CCDC73: variants seen among roughly 807,000 people sequenced by gnomAD.
CCDC73 encodes coiled-coil domain-containing protein 73.
Under a neutral mutation model 116.5 loss-of-function variants are expected in CCDC73, and 95 were observed. The observed-to-expected ratio is 0.82, with a 90% CI of 0.69 to 0.97. CCDC73 has a LOEUF of 0.97. Ranked by LOEUF, CCDC73 falls within the 50% of genes least tolerant of loss-of-function variation. CCDC73 has a pLI of 0.00. For missense variants in CCDC73, 1,066 were observed against 1,206.8 expected, an observed-to-expected ratio of 0.88 and a Z score of 1.73; for synonymous variants, 398 against 401.3, an observed-to-expected ratio of 0.99 and a Z score of 0.10.
chr11:32,713,393 T>A (rs751487286), intron 3 of CCDC73, among the ~76,000 whole-genome samples: 1 of 152,194 alleles, frequency 6.6e-6, no homozygotes, highest in South Asian at 2.1e-4. Context: ...TGGTTTCCGA[T>A]CTCAGTAGGA....
At chr11:32,698,010 A>ATT (rs1849771437) in intron 6 of CCDC73, among the ~76,000 whole-genome samples, 25 of 117,742 alleles carry the variant, frequency 2.1e-4, no homozygotes, top group African/African-American at 6.7e-4. Context: ...TCTAACACTG[A>ATT]ATTTTTTTTT....
intron 2 of CCDC73, among the ~76,000 whole-genome samples, chr11:32,740,109 G>A (rs1208380779): frequency 6.6e-6 from 1 of 151,732 alleles, no homozygotes; most frequent in African/African-American, 2.4e-5. Flanking sequence ...TTGTATCAAT[G>A]TTCATCAGAG....
intron 9 of CCDC73, among the ~76,000 whole-genome samples, chr11:32,668,316 G>T (rs1174822960): frequency 4.6e-5 from 7 of 152,036 alleles, no homozygotes. Flanking sequence ...TAACAATAAA[G>T]GCTTTCCTAT....
intron 3 of CCDC73, among the ~76,000 whole-genome samples, chr11:32,703,329 C>G (rs1849829120): frequency 6.6e-6 from 1 of 152,050 alleles, no homozygotes; most frequent in African/African-American, 2.4e-5. Flanking sequence ...CTCAAGCGAC[C>G]CACCACTTCG....
chr11:32,757,658 T>C (rs1226558957), intron 2 of CCDC73, among the ~76,000 whole-genome samples: 3 of 152,172 alleles, frequency 2.0e-5, no homozygotes, highest in African/African-American at 7.2e-5. Context: ...TCCACTTACA[T>C]ATGCTCCTTT....
chr11:32,628,474 AG>A, intron 14 of CCDC73, among the ~76,000 whole-genome samples: 1 of 152,320 alleles, frequency 6.6e-6, no homozygotes, highest in Middle Eastern at 3.4e-3. Flanking sequence ...GAAGACTTGC[AG>A]GGGCGCCACA....
At chr11:32,608,070 C>T (rs554386789) in intron 17 of CCDC73, among the ~76,000 whole-genome samples, 251 of 152,270 alleles carry the variant, frequency 1.6e-3, no homozygotes, top group African/African-American at 5.7e-3. Flanking sequence ...TCCCACAACA[C>T]GTGGGAATTG....
rs115499582 is a variant in CCDC73 at position 32,677,280 on chromosome 11, A to G, written c.430-1259T>C. 7.1e-3 allele frequency among the ~76,000 whole-genome samples: 1,088 copies of G among 152,324 alleles called. 16 individuals carry two copies. The highest frequency in any genetic ancestry group is 0.025 in the African/African-American group (1,049 of 41,562). Reference sequence around the variant, plus strand: ...GCACCACTATTTACTTTATTGAAATACTTTTTCTTCATTACAACATGGACT... The same window carrying G: ...GCACCACTATTTACTTTATTGAAATGCTTTTTCTTCATTACAACATGGACT... On this transcript the variant is annotated intron_variant, in intron 7 of 17. Coordinates refer to ENST00000335185, the MANE Select transcript of CCDC73 (RefSeq NM_001008391.4).
intron 14 of CCDC73, among the ~76,000 whole-genome samples, chr11:32,622,168 C>T (rs1235624782): frequency 2.0e-5 from 3 of 152,120 alleles, no homozygotes; most frequent in Admixed American, 6.5e-5. Context: ...TGGGTATATA[C>T]ACAAAGGAAT....
chr11:32,818,213 T>A, the CCDC73 span, among the ~76,000 whole-genome samples: 4 of 152,262 alleles, frequency 2.6e-5, no homozygotes, highest in Admixed American at 6.5e-5. Flanking sequence ...TGGTTACTTG[T>A]GTGCTGTCCT....
rs1168801610 is a variant in CCDC73, at chr11:32,613,579, T to C, written c.2739A>G (p.Val913=). The C allele has an allele frequency of 6.2e-7, 1 of 1,614,160 alleles. No individual in the cohort carries two copies. Among genetic ancestry groups the C allele is most frequent in the Admixed American group, 1.7e-5 (1 of 60,014 alleles). The change falls in exon 16 of 18, where the codon GTA becomes GTG. Residue 913 remains valine (V), a synonymous_variant. Coordinates refer to ENST00000335185, the MANE Select transcript of CCDC73 (RefSeq NM_001008391.4). The stretch of plus-strand genomic sequence containing the variant: ...TCGCTGTTTGACTTTCAATGTGATT[T>C]ACTTTTGACCAAGGACCGGGGTCTG... ...NFSDPGPWSK[V]NHIESQTASS...
chr11:32,789,876 C>A (rs924491399), intron 1 of CCDC73, among the ~76,000 whole-genome samples: 5 of 152,126 alleles, frequency 3.3e-5, no homozygotes, highest in Non-Finnish European at 7.4e-5. Flanking sequence ...AAGATGGACA[C>A]CCAGCATGAG....
At chr11:32,701,386 A>G (rs1849809141) in intron 4 of CCDC73, among the ~76,000 whole-genome samples, 1 of 152,146 alleles carries the variant, frequency 6.6e-6, no homozygotes, top group Non-Finnish European at 1.5e-5. Flanking sequence ...CTAACAAATT[A>G]TGACCTGTTT....
chr11:32,813,827 G>C, the CCDC73 span, among the ~76,000 whole-genome samples: 22 of 152,292 alleles, frequency 1.4e-4, no homozygotes, highest in African/African-American at 5.3e-4. Flanking sequence ...TTATCTGGTA[G>C]AGCAACTCTC....
chr11:32,726,394 T>C (rs1366106538), intron 2 of CCDC73, among the ~76,000 whole-genome samples: 1 of 151,766 alleles, frequency 6.6e-6, no homozygotes, highest in Non-Finnish European at 1.5e-5. Flanking sequence ...AACTGAAAAA[T>C]ATAATAAATC....
At chr11:32,664,809 C>T (rs1855964957) in intron 9 of CCDC73, among the ~76,000 whole-genome samples, 1 of 152,056 alleles carries the variant, frequency 6.6e-6, no homozygotes, top group Non-Finnish European at 1.5e-5. Flanking sequence ...CTATAAATTT[C>T]CCTCTACACA....
At chr11:32,721,213 TG>T (rs1324048771) in intron 2 of CCDC73, among the ~76,000 whole-genome samples, 1 of 152,008 alleles carries the variant, frequency 6.6e-6, no homozygotes, top group East Asian at 1.9e-4. Flanking sequence ...TTAGTAGAAA[TG>T]GGGTTTTACC....
At chr11:32,767,130 C>T (rs996122875) in intron 1 of CCDC73, among the ~76,000 whole-genome samples, 6 of 152,110 alleles carry the variant, frequency 3.9e-5, no homozygotes, top group Non-Finnish European at 8.8e-5. Flanking sequence ...GAGATATAGA[C>T]CAATGGAACA....
intron 14 of CCDC73, among the ~76,000 whole-genome samples, chr11:32,630,879 A>T (rs896300546): frequency 6.6e-6 from 1 of 152,242 alleles, no homozygotes; most frequent in Non-Finnish European, 1.5e-5. Context: ...TAACAAGATG[A>T]AAAAGATATA....
Sources: allele counts gnomAD v4.1 joint callset (sites outside exome capture counted in the v4.1 genomes callset), GRCh38; gene constraint gnomAD v4.1.1; transcripts MANE v1.5; gene names NCBI Gene and HGNC (gene_info 2026-07-23, HGNC 2026-07-21).